Variants in RB1 observed in about 807,000 individuals in gnomAD.
RB1 encodes RB transcriptional corepressor 1.
RB1 carries 18 observed loss-of-function variants against 135.4 expected under a neutral mutation model. The ratio of observed to expected loss-of-function variants is 0.13; its 90% confidence interval spans 0.09 to 0.20. The LOEUF is 0.20. Among genes scored for constraint, RB1 ranks in the 10% least tolerant of loss-of-function variants. The pLI is 1.00. For synonymous variants in RB1, 365 were observed against 373.2 expected (o/e 0.98, Z 0.25); for missense variants, 868 against 1,110.0 (o/e 0.78, Z 3.10).
At chr13:48,431,811 A>G (rs984445733) in intron 17 of RB1, among the ~76,000 whole-genome samples, 6 of 152,210 alleles carry the variant, frequency 3.9e-5, no homozygotes, top group Admixed American at 2.0e-4. Context: ...TGCCCTGGCC[A>G]TATAAATAGG....
At chr13:48,360,441 T>C (rs1952629014) in intron 7 of RB1, 1 of 259,220 alleles carries the variant, frequency 3.9e-6, no homozygotes, top group South Asian at 5.8e-5. Context: ...CATGGAAGAG[T>C]GGTTAGGATT....
At position 48,368,550 on chromosome 13, in the gene RB1, G is replaced by A. The variant is rs767011440; in HGVS notation, c.1073G>A (p.Arg358Gln). The change falls in exon 11 of 27, where the codon CGA (arginine) becomes CAA (glutamine). Residue 358 changes from arginine to glutamine, a missense_variant. By Grantham distance (43) the Arg-to-Gln change is conservative. Coordinates refer to ENST00000267163, the MANE Select transcript of RB1 (RefSeq NM_000321.3). Reference sequence around the variant, plus strand: ...AGTTTTGAAACACAGAGAACACCACGAAAAAGTAACCTTGATGAAGAGGTG... The same window carrying A: ...AGTTTTGAAACACAGAGAACACCACAAAAAAGTAACCTTGATGAAGAGGTG... ...IDSFETQRTPRKSNLDEEVNV... is the reference protein window; with the variant it reads ...IDSFETQRTPQKSNLDEEVNV... 9 of 1,613,170 alleles carry A rather than the reference G, an allele frequency of 5.6e-6. No individual in the cohort carries two copies. The highest frequency in any genetic ancestry group is 1.3e-5 in the African/African-American group (1 of 74,868).
chr13:48,412,461 T>C, intron 17 of RB1: 1 of 1,360,436 alleles, frequency 7.4e-7, no homozygotes, highest in African/African-American at 1.4e-5. Flanking sequence ...GGAAGCACTT[T>C]CATCAGCTGC....
chr13:48,352,567 T>C (rs1952557674), intron 6 of RB1, among the ~76,000 whole-genome samples: 1 of 152,096 alleles, frequency 6.6e-6, no homozygotes, highest in African/African-American at 2.4e-5. Flanking sequence ...TGTAGAGAGC[T>C]TTCACCTCCC....
At chr13:48,464,448 A>T (rs796822453) in intron 21 of RB1, among the ~76,000 whole-genome samples, 16 of 152,332 alleles carry the variant, frequency 1.1e-4, no homozygotes, top group African/African-American at 3.1e-4. Context: ...GAGGCATCTG[A>T]TATAACCTCT....
intron 2 of RB1, among the ~76,000 whole-genome samples, chr13:48,322,367 T>G (rs1952249807): frequency 6.6e-6 from 1 of 152,230 alleles, no homozygotes; most frequent in Non-Finnish European, 1.5e-5. Flanking sequence ...GTGGTTTTTG[T>G]ATGTTGATTT....
At chr13:48,366,826 G>A (rs991835310) in intron 9 of RB1, among the ~76,000 whole-genome samples, 5 of 152,104 alleles carry the variant, frequency 3.3e-5, no homozygotes, top group Non-Finnish European at 7.4e-5. Context: ...AAGCATAAAA[G>A]ATTAAAAGCA....
chr13:48,333,026 T>C (rs1386192269), intron 2 of RB1: 10 of 398,300 alleles, frequency 2.5e-5, no homozygotes, highest in Non-Finnish European at 4.4e-5. Flanking sequence ...GGTACTCCGC[T>C]CACCTGTTTT....
intron 2 of RB1, among the ~76,000 whole-genome samples, chr13:48,309,164 A>G (rs1364434349): frequency 3.3e-5 from 5 of 152,196 alleles, no homozygotes; most frequent in Admixed American, 3.3e-4. Flanking sequence ...TTTTATTAGA[A>G]TAAATTCTTA....
intron 17 of RB1, among the ~76,000 whole-genome samples, chr13:48,419,406 T>C (rs1227948529): frequency 1.3e-5 from 2 of 152,224 alleles, no homozygotes; most frequent in South Asian, 2.1e-4. Context: ...GGGAAGTTTA[T>C]AGCACTAAAT....
chr13:48,440,306 TG>T (rs1309775204), intron 17 of RB1, among the ~76,000 whole-genome samples: 1 of 151,988 alleles, frequency 6.6e-6, no homozygotes, highest in Non-Finnish European at 1.5e-5. Context: ...GAGATAGAAG[TG>T]GTTGAAATTT....
intron 17 of RB1, among the ~76,000 whole-genome samples, chr13:48,431,781 G>A (rs754532419): frequency 9.2e-5 from 14 of 152,140 alleles, no homozygotes; most frequent in East Asian, 1.9e-4. Context: ...CAACCTAACC[G>A]AAAAAGATTG....
intron 17 of RB1, among the ~76,000 whole-genome samples, chr13:48,407,522 T>G (rs1456411706): frequency 6.6e-6 from 1 of 152,140 alleles, no homozygotes; most frequent in African/African-American, 2.4e-5. Flanking sequence ...CAAGTAAAAA[T>G]GATAAAGAGA....
chr13:48,330,313 G>A (rs1952321686), intron 2 of RB1, among the ~76,000 whole-genome samples: 8 of 150,486 alleles, frequency 5.3e-5, no homozygotes, highest in African/African-American at 2.0e-4. Context: ...AGAAGGAGGG[G>A]GATAAGAAAG....
intron 6 of RB1, among the ~76,000 whole-genome samples, chr13:48,358,460 T>C (rs1343786490): frequency 6.6e-6 from 1 of 152,164 alleles, no homozygotes; most frequent in African/African-American, 2.4e-5. Context: ...TTTTATTATA[T>C]CTGCTTTTAG....
intron 12 of RB1, among the ~76,000 whole-genome samples, chr13:48,374,096 AT>A (rs1481951644): frequency 2.0e-5 from 3 of 152,126 alleles, no homozygotes; most frequent in Admixed American, 2.0e-4. Flanking sequence ...AGGACTTAAC[AT>A]TCCCCATACC....
chr13:48,330,385 T>C (rs528277339), intron 2 of RB1, among the ~76,000 whole-genome samples: 2 of 148,104 alleles, frequency 1.4e-5, no homozygotes, highest in South Asian at 4.2e-4. Flanking sequence ...AAATGAAGAG[T>C]TTTTTTGAAA....
chr13:48,318,890 C>T, intron 2 of RB1: 2 of 1,133,936 alleles, frequency 1.8e-6, no homozygotes, highest in Non-Finnish European at 2.6e-6. Flanking sequence ...CTGATCGATG[C>T]TGTCGTCGCT....
At chr13:48,355,994 T>C (rs1952586480) in intron 6 of RB1, among the ~76,000 whole-genome samples, 1 of 151,934 alleles carries the variant, frequency 6.6e-6, no homozygotes, top group Non-Finnish European at 1.5e-5. Flanking sequence ...AATAAGACTT[T>C]ATAGCACAAC....
Sources: allele counts gnomAD v4.1 joint callset (sites outside exome capture counted in the v4.1 genomes callset), GRCh38; gene constraint gnomAD v4.1.1; transcripts MANE v1.5; gene names NCBI Gene and HGNC (gene_info 2026-07-23, HGNC 2026-07-21).